CLYBL: variants seen among roughly 807,000 people sequenced by gnomAD.
The protein encoded by CLYBL is citramalyl-CoA lyase.
A neutral mutation model predicts 38.9 loss-of-function variants in CLYBL; 31 were observed. The observed-to-expected ratio is 0.80, with a 90% CI of 0.60 to 1.08. CLYBL has a LOEUF of 1.08. Among genes scored for constraint, CLYBL ranks in the 50% least tolerant of loss-of-function variants. The pLI, the probability that CLYBL is intolerant of heterozygous loss-of-function variation, is 0.00. For missense variants in CLYBL, 434 were observed against 411.6 expected, an observed-to-expected ratio of 1.05 and a Z score of -0.47; for synonymous variants, 171 against 158.6, an observed-to-expected ratio of 1.08 and a Z score of -0.59.
chr13:99,783,989 A>T (rs1313920225), intron 2 of CLYBL: 1 of 152,100 alleles, frequency 6.6e-6, no homozygotes, highest in Non-Finnish European at 1.5e-5. Context: ...AACCTATCTA[A>T]ATCATTTTTT....
intron 1 of CLYBL, among the ~76,000 whole-genome samples, chr13:99,613,392 G>A (rs1031010412): frequency 6.6e-6 from 1 of 152,186 alleles, no homozygotes; most frequent in Non-Finnish European, 1.5e-5. Context: ...GGGACAGTGT[G>A]TGAGGAAGCA....
chr13:99,871,477 T>A (rs1005910490), intron 7 of CLYBL, among the ~76,000 whole-genome samples: 4 of 152,106 alleles, frequency 2.6e-5, no homozygotes, highest in Non-Finnish European at 5.9e-5. Context: ...TATTTTAATT[T>A]GGGGGGAAAA....
At chr13:99,627,749 T>C (rs1231703747) in intron 1 of CLYBL, among the ~76,000 whole-genome samples, 1 of 152,182 alleles carries the variant, frequency 6.6e-6, no homozygotes, top group Non-Finnish European at 1.5e-5. Context: ...CTTTTGAAAA[T>C]TGAAAAATTA....
intron 1 of CLYBL, among the ~76,000 whole-genome samples, chr13:99,747,031 G>GA (rs1216993292): frequency 2.6e-5 from 4 of 151,800 alleles, no homozygotes; most frequent in Admixed American, 6.6e-5. Flanking sequence ...GTCACGGCAG[G>GA]AAAAAAAATC....
chr13:99,696,997 T>C (rs556705978), intron 1 of CLYBL, among the ~76,000 whole-genome samples: 2 of 152,336 alleles, frequency 1.3e-5, no homozygotes, highest in Non-Finnish European at 1.5e-5. Context: ...TCTATGTATT[T>C]CTGCTGCTAC....
intron 1 of CLYBL, among the ~76,000 whole-genome samples, chr13:99,696,249 A>T (rs1356502291): frequency 2.7e-5 from 4 of 148,570 alleles, no homozygotes; most frequent in Non-Finnish European, 1.5e-5. Context: ...TTTTTTTTTT[A>T]AACCGAGTCT....
chr13:99,891,334 A>C lies in CLYBL; in HGVS notation c.944A>C (p.Gln315Pro), dbSNP rs377356520. The C allele has an allele frequency of 4.3e-6, 7 of 1,613,376 alleles. No individual in the cohort carries two copies. The African/African-American group carries it at 9.3e-5, about 22-fold the overall frequency. Reference sequence around the variant, plus strand: ...GTTTTCCAGGGGGCCTTTACTTTCCAAGGGAGTATGATCGACATGCCATTA... The same window carrying C: ...GTTTTCCAGGGGGCCTTTACTTTCCCAGGGAGTATGATCGACATGCCATTA... ...QQLGKGAFTF[Q>P]GSMIDMPLLK... The change falls in exon 8 of 9, where the codon CAA (glutamine) becomes CCA (proline). Residue 315 changes from glutamine to proline, a missense_variant. Physicochemically the swap from Gln to Pro is moderately conservative, Grantham distance 76. Coordinates refer to ENST00000339105, the MANE Select transcript of CLYBL (RefSeq NM_206808.5).
At chr13:99,848,391 C>T (rs1281365337) in intron 2 of CLYBL, among the ~76,000 whole-genome samples, 2 of 152,160 alleles carry the variant, frequency 1.3e-5, no homozygotes, top group Non-Finnish European at 2.9e-5. Flanking sequence ...CAGTGGATTG[C>T]ATTTAATTAA....
intron 2 of CLYBL, among the ~76,000 whole-genome samples, chr13:99,789,670 G>T (rs1220311033): frequency 2.0e-5 from 3 of 152,090 alleles, no homozygotes; most frequent in South Asian, 2.1e-4. Context: ...AGAATGTATA[G>T]TCTGTTGATT....
Position 99,768,507 on chromosome 13 carries a change from TTTTTTTTTTTTTTTTTTTTTTA to T in CLYBL, c.63-4316_63-4295del, listed in dbSNP as rs1331704536. 3.2e-3 allele frequency among the ~76,000 whole-genome samples: 89 copies of T among 28,114 alleles called. 1 individual carries two copies. The highest frequency in any genetic ancestry group is 0.011 in the African/African-American group (84 of 7,596). 18.4% of individuals were successfully genotyped at this position (28,114 alleles called of 152,430 possible). ...TGCGCCCGACCTCTTTTTTTTTTTTTTTTTTTTTTTTTTTTTTTTTTAAAGACAGAATCTCACTGTGTCACCC... is the reference window on the plus strand; with the variant it reads ...TGCGCCCGACCTCTTTTTTTTTTTTTAAGACAGAATCTCACTGTGTCACCC... On this transcript the variant is annotated intron_variant, in intron 1 of 8. Transcript: ENST00000339105.
chr13:99,866,420 T>C lies in CLYBL; in HGVS notation c.802+13T>C, dbSNP rs1477125558. On this transcript the variant is annotated intron_variant, in intron 6 of 8. Coordinates refer to ENST00000339105, the MANE Select transcript of CLYBL (RefSeq NM_206808.5). ...ATGGGCTTCACTGGTATGATTCCTG[T>C]CTTAGAAAGCAGTGTCTAAATTAGC... The C allele has an allele frequency of 6.2e-7, 1 of 1,603,320 alleles. No homozygotes were observed. Among genetic ancestry groups the C allele is most frequent in the Non-Finnish European group, 8.5e-7 (1 of 1,177,362 alleles).
intron 1 of CLYBL, among the ~76,000 whole-genome samples, chr13:99,743,966 C>CTTTTTTTTTTTTTTTTTT (rs1162079530): frequency 1.4e-4 from 10 of 69,178 alleles, no homozygotes; most frequent in East Asian, 3.8e-4. Context: ...TCTCTTCTTT[C>CTTTTTTTTTTTTTTTTTT]TTTTTTTTTT....
At chr13:99,758,973 A>G (rs2138726390) in intron 1 of CLYBL, among the ~76,000 whole-genome samples, 1 of 152,278 alleles carries the variant, frequency 6.6e-6, no homozygotes, top group Middle Eastern at 3.4e-3. Context: ...GGTGTGCCCT[A>G]GAGAGGGCAC....
intron 7 of CLYBL, among the ~76,000 whole-genome samples, chr13:99,880,068 A>ATATATATATATTT (rs34063235): frequency 5.9e-5 from 6 of 101,208 alleles, no homozygotes; most frequent in African/African-American, 1.6e-4. Flanking sequence ...ATATATATAT[A>ATATATATATATTT]TTTTTTTTTT....
intron 1 of CLYBL, among the ~76,000 whole-genome samples, chr13:99,698,704 T>A (rs148213246): frequency 5.0e-4 from 76 of 152,344 alleles, no homozygotes; most frequent in African/African-American, 1.8e-3. Context: ...TATAAAGCCC[T>A]GGAAGATGAT....
intron 1 of CLYBL, among the ~76,000 whole-genome samples, chr13:99,718,609 A>G (rs2048352454): frequency 1.3e-5 from 2 of 152,114 alleles, no homozygotes; most frequent in Non-Finnish European, 1.5e-5. Context: ...TACTAAATTT[A>G]TGTCCATTAG....
intron 1 of CLYBL, among the ~76,000 whole-genome samples, chr13:99,634,957 G>T (rs1188478859): frequency 1.3e-5 from 2 of 152,096 alleles, no homozygotes; most frequent in Non-Finnish European, 2.9e-5. Flanking sequence ...TTCCCGGAGC[G>T]GCAGCTCCAG....
chr13:99,689,264 A>G (rs1363982462), intron 1 of CLYBL, among the ~76,000 whole-genome samples: 1 of 152,220 alleles, frequency 6.6e-6, no homozygotes, highest in Non-Finnish European at 1.5e-5. Flanking sequence ...ACCAGGTCAG[A>G]ATGGAGAGGC....
At chr13:99,723,661 G>A (rs1257462673) in intron 1 of CLYBL, among the ~76,000 whole-genome samples, 1 of 152,164 alleles carries the variant, frequency 6.6e-6, no homozygotes, top group Admixed American at 6.5e-5. Context: ...CCATCCATGG[G>A]CACACGGGCA....
Sources: allele counts gnomAD v4.1 joint callset (sites outside exome capture counted in the v4.1 genomes callset), GRCh38; gene constraint gnomAD v4.1.1; transcripts MANE v1.5; gene names NCBI Gene and HGNC (gene_info 2026-07-23, HGNC 2026-07-21).